Variants in OSBPL6 observed in about 807,000 individuals in gnomAD.
OSBPL6 encodes the protein oxysterol-binding protein-related protein 6.
A neutral mutation model predicts 125.8 loss-of-function variants in OSBPL6; 49 were observed. The observed-to-expected ratio is 0.39, with a 90% confidence interval of 0.31 to 0.49. The LOEUF (loss-of-function observed/expected upper bound fraction) is 0.49. Among genes scored for constraint, OSBPL6 ranks in the 20% least tolerant of loss-of-function variants. OSBPL6 has a pLI of 0.88. For synonymous variants in OSBPL6, 394 were observed against 391.8 expected (o/e 1.01, Z -0.07); for missense variants, 986 against 1,135.4 (o/e 0.87, Z 1.89).
intron 1 of OSBPL6, among the ~76,000 whole-genome samples, chr2:178,250,793 G>C (rs1158941690): frequency 6.6e-6 from 1 of 152,052 alleles, no homozygotes; most frequent in Non-Finnish European, 1.5e-5. Context: ...ATCCTGCTCT[G>C]TACCTTCATG....
rs566073617 is a variant in OSBPL6, at chr2:178,308,522, A to C, written c.102+2236A>C. Among the ~76,000 whole-genome samples, 5 of 152,206 alleles carry C rather than the reference A, an allele frequency of 3.3e-5. No individual in the cohort carries two copies. The East Asian group carries it at 9.6e-4, about 29-fold the overall frequency. On this transcript the variant is annotated intron_variant, in intron 3 of 24. Transcript: ENST00000190611. Reference sequence around the variant, plus strand: ...GGATCTAGCACATAGCTGAGAATACAGTGGTATCTTAATGCACATTATTTG... The same window carrying C: ...GGATCTAGCACATAGCTGAGAATACCGTGGTATCTTAATGCACATTATTTG...
In OSBPL6 at chr2:178,398,271, C is replaced by T. The variant is rs1208876953; in HGVS notation, c.*2712C>T. The T allele has an allele frequency of 2.0e-5, 3 of 152,110 alleles. No homozygotes were observed. Among genetic ancestry groups the T allele is most frequent in the Admixed American group, 6.5e-5 (1 of 15,276 alleles). The allele number at this position is 152,110 out of a possible 1,614,324, so 9.4% of individuals were successfully genotyped here. On this transcript the variant is annotated 3_prime_UTR_variant, in exon 25 of 25. Transcript: ENST00000190611. ...GTTATACAAACCTTTTTATTTCAGG[C>T]CTACTTTCTTGTTTTTTCCTAAAAG...
chr2:178,291,106 T>TA (rs1559208459), intron 2 of OSBPL6, among the ~76,000 whole-genome samples: 1 of 128,572 alleles, frequency 7.8e-6, no homozygotes, highest in Non-Finnish European at 1.8e-5. Flanking sequence ...AACTATGAGG[T>TA]GTTTTTTTTT....
chr2:178,349,173 T>A (rs1468485074), intron 11 of OSBPL6, 51 bp from the exon 12 acceptor site: 2 of 1,560,184 alleles, frequency 1.3e-6, no homozygotes, highest in Non-Finnish European at 1.8e-6. Flanking sequence ...TGTAGGAGAA[T>A]GTGAAACAAT....
At chr2:178,211,398 T>C (rs959353528) in intron 1 of OSBPL6, among the ~76,000 whole-genome samples, 4 of 152,220 alleles carry the variant, frequency 2.6e-5, no homozygotes, top group East Asian at 1.9e-4. Flanking sequence ...TTTCAGAGAC[T>C]GGATAACCTT....
chr2:178,325,646 G>A (rs1228649214), intron 4 of OSBPL6, among the ~76,000 whole-genome samples: 1 of 152,204 alleles, frequency 6.6e-6, no homozygotes, highest in Non-Finnish European at 1.5e-5. Context: ...AATTTATTGA[G>A]CACCTACTTT....
intron 1 of OSBPL6, among the ~76,000 whole-genome samples, chr2:178,267,876 A>G (rs1448265622): frequency 3.3e-5 from 5 of 151,788 alleles, no homozygotes; most frequent in African/African-American, 1.2e-4. Context: ...TGCCAAATGA[A>G]TGACGCTATC....
chr2:178,331,537 G>A lies in OSBPL6; in HGVS notation c.319-15G>A, dbSNP rs1175042342. ...CAAAATACAGACAGTAACTGGGGGT[G>A]TTTGGTTCTTGCAGCGTTTTTTTGT... On this transcript the variant is annotated splice_polypyrimidine_tract_variant and intron_variant, in intron 5 of 24. Coordinates refer to ENST00000190611, the MANE Select transcript of OSBPL6 (RefSeq NM_032523.4). The A allele has an allele frequency of 1.2e-6, 2 of 1,613,890 alleles. No individual in the cohort carries two copies. Among genetic ancestry groups the A allele is most frequent in the African/African-American group, 2.7e-5 (2 of 74,924 alleles).
Position 178,391,160 on chromosome 2 carries a change from T to C in OSBPL6, c.2389T>C (p.Trp797Arg), listed in dbSNP as rs1333337520. The change falls in exon 22 of 25, where the codon TGG (tryptophan) becomes CGG (arginine). Residue 797 changes from tryptophan to arginine, a missense_variant. Physicochemically the swap from Trp to Arg is moderately radical, Grantham distance 101. This residue lies in a region of OSBPL6 where 843 missense variants were observed against 997.3 expected (regional missense o/e 0.85). Coordinates refer to ENST00000190611, the MANE Select transcript of OSBPL6 (RefSeq NM_032523.4). ...GGCGGTGTACCGGCTGTTTGGAAAGTGGCATGAAGGACTCTACTGTGGTGT... is the reference window on the plus strand; with the variant it reads ...GGCGGTGTACCGGCTGTTTGGAAAGCGGCATGAAGGACTCTACTGTGGTGT... ...GKAVYRLFGK[W>R]HEGLYCGVAP... The C allele has an allele frequency of 2.5e-6, 4 of 1,613,824 alleles. No individual in the cohort carries two copies. The African/African-American group carries it at 4.0e-5, about 16-fold the overall frequency.
chr2:178,353,148 C>A (rs1691441368), intron 12 of OSBPL6, among the ~76,000 whole-genome samples: 2 of 152,176 alleles, frequency 1.3e-5, no homozygotes, highest in Admixed American at 6.5e-5. Flanking sequence ...GAAACCAGAG[C>A]AGAAAAGCTG....
intron 1 of OSBPL6, among the ~76,000 whole-genome samples, chr2:178,212,344 C>A (rs1413463990): frequency 1.3e-5 from 2 of 152,152 alleles, no homozygotes; most frequent in African/African-American, 4.8e-5. Context: ...CTTTTAGGGG[C>A]CAGGGCACTC....
intron 1 of OSBPL6, among the ~76,000 whole-genome samples, chr2:178,209,826 C>A (rs950971420): frequency 6.6e-6 from 1 of 151,654 alleles, no homozygotes; most frequent in Middle Eastern, 3.4e-3. Context: ...ATCTCACAAG[C>A]TTTTGCCTGA....
intron 1 of OSBPL6, among the ~76,000 whole-genome samples, chr2:178,231,641 T>C: frequency 2.4e-5 from 1 of 41,132 alleles, no homozygotes. Flanking sequence ...TGGTCCCATT[T>C]TTTTTTTTTT....
At chr2:178,261,051 G>A (rs1421666097) in intron 1 of OSBPL6, among the ~76,000 whole-genome samples, 1 of 152,156 alleles carries the variant, frequency 6.6e-6, no homozygotes, top group East Asian at 1.9e-4. Context: ...AGAATCGCTT[G>A]AACCTGGGAG....
At chr2:178,363,391 C>A (rs532155903) in intron 13 of OSBPL6, among the ~76,000 whole-genome samples, 7 of 152,252 alleles carry the variant, frequency 4.6e-5, no homozygotes, top group African/African-American at 1.7e-4. Flanking sequence ...GTGCAAGGTA[C>A]AGAACACCAA....
intron 12 of OSBPL6, among the ~76,000 whole-genome samples, chr2:178,360,410 A>C (rs374525585): frequency 4.1e-4 from 63 of 152,284 alleles, no homozygotes; most frequent in African/African-American, 1.5e-3. Flanking sequence ...TGGATATGTT[A>C]ATTTGTTCCA....
intron 1 of OSBPL6, among the ~76,000 whole-genome samples, chr2:178,223,039 A>G (rs185749342): frequency 3.4e-4 from 52 of 152,184 alleles, no homozygotes; most frequent in African/African-American, 1.2e-3. Flanking sequence ...GTTGTGTCCT[A>G]TTTTTTTGTT....
In OSBPL6 at chr2:178,344,475, A is replaced by G. The variant is rs559922662; in HGVS notation, c.987+4711A>G. 3.8e-5 allele frequency: 36 copies of G among 947,908 alleles called. 1 individual carries two copies. In the South Asian group the frequency reaches 4.0e-4, roughly 11 times the overall value. The allele number at this position is 947,908 out of a possible 1,614,324, so 58.7% of individuals were successfully genotyped here. A position where few individuals can be genotyped will look rare whatever the true frequency, so the allele number is the denominator to read the frequency against. On this transcript the variant is annotated intron_variant, in intron 11 of 24. Coordinates refer to ENST00000190611, the MANE Select transcript of OSBPL6 (RefSeq NM_032523.4). ...GTGTGATGGCATCACCTGTAGCCCAATCATGGCAGCATAGCTTTCACATGT... is the reference window on the plus strand; with the variant it reads ...GTGTGATGGCATCACCTGTAGCCCAGTCATGGCAGCATAGCTTTCACATGT...
In OSBPL6 at chr2:178,383,072, C is replaced by T. The variant is rs750909024; in HGVS notation, c.1670C>T (p.Ala557Val). ...TGGAFRNGRR[A>V]CLPAPCPDTS... is the part of the protein sequence containing the mutation. ...GGGGCCTTCCGAAATGGGCGTCGAGCATGCCTGCCAGCTCCTTGTCCTGAC... is the reference window on the plus strand; with the variant it reads ...GGGGCCTTCCGAAATGGGCGTCGAGTATGCCTGCCAGCTCCTTGTCCTGAC... Residue 557 changes from alanine (A) to valine (V), a missense_variant, in exon 17 of 25, where the codon GCA becomes GTA. Ala to Val is a moderately conservative substitution (Grantham distance 64, BLOSUM62 0). Coordinates refer to ENST00000190611, the MANE Select transcript of OSBPL6 (RefSeq NM_032523.4). The T allele has an allele frequency of 5.0e-6, 8 of 1,614,212 alleles. No individual in the cohort carries two copies. In the Admixed American group the frequency reaches 1.3e-4, roughly 27 times the overall value.
Sources: allele counts gnomAD v4.1 joint callset (sites outside exome capture counted in the v4.1 genomes callset), GRCh38; gene constraint gnomAD v4.1.1; regional missense constraint gnomAD v4.1.1; transcripts MANE v1.5; gene names NCBI Gene and HGNC (gene_info 2026-07-23, HGNC 2026-07-21).